The following LIMK2 variants were observed in gnomAD, a reference collection of about 807,000 sequenced individuals.
LIMK2 encodes the protein LIM domain kinase 2.
LIMK2 carries 35 observed loss-of-function variants against 75.7 expected under a neutral mutation model. The observed-to-expected ratio is 0.46, with a 90% CI of 0.35 to 0.61. The LOEUF is 0.61. Ranked by LOEUF, LIMK2 falls within the 20% of genes least tolerant of loss-of-function variation. The pLI, the probability that LIMK2 is intolerant of heterozygous loss-of-function variation, is 0.00. For synonymous variants in LIMK2, 301 were observed against 319.2 expected (o/e 0.94, Z 0.61); for missense variants, 623 against 831.0 (o/e 0.75, Z 3.08).
chr22:31,275,390 A>G (rs2049003385), intron 15 of LIMK2, 82 bp downstream of exon 15: 3 of 1,408,454 alleles, frequency 2.1e-6, no homozygotes, highest in Non-Finnish European at 2.9e-6. Flanking sequence ...AGCCCTCTGC[A>G]AGCACAGGGG....
chr22:31,273,104 GA>G, intron 13 of LIMK2: 7 of 906,728 alleles, frequency 7.7e-6, no homozygotes, highest in Non-Finnish European at 9.2e-6. Flanking sequence ...GAAATGGTCT[GA>G]ATACAATCCA....
At chr22:31,255,978 CTTTTTTTTTTTTTTTTTTTTTTTTTTTT>C (rs567250437) in intron 2 of LIMK2, among the ~76,000 whole-genome samples, 1 of 29,638 alleles carries the variant, frequency 3.4e-5, no homozygotes, top group African/African-American at 1.2e-4. Context: ...TATATTGGGT[CTTTTTTTTTTTTTTTTTTTTTTTTTTTT>C]TTTTTTTTTT....
chr22:31,255,204 G>A lies in LIMK2; in HGVS notation c.117-3087G>A, dbSNP rs118183894. Among the ~76,000 whole-genome samples, 130 of 152,182 alleles carry A rather than the reference G, an allele frequency of 8.5e-4. 1 individual carries two copies. In the East Asian group the frequency reaches 0.019, roughly 22 times the overall value. Reference sequence around the variant, plus strand: ...GGAAACAACCCAGAGAGGGAAAGGGGCTTGTCCAAGGCAATTTAGCACCCA... The same window carrying A: ...GGAAACAACCCAGAGAGGGAAAGGGACTTGTCCAAGGCAATTTAGCACCCA... On this transcript the variant is annotated intron_variant, in intron 2 of 15. Coordinates refer to ENST00000331728, the MANE Select transcript of LIMK2 (RefSeq NM_005569.4).
At chr22:31,276,909 A>G (rs2049032462) in intron 15 of LIMK2, 1 of 1,613,344 alleles carries the variant, frequency 6.2e-7, no homozygotes. Context: ...ACCTCAACCT[A>G]GAGGAGTGGA....
At chr22:31,218,262 C>T (rs1424400076) in intron 1 of LIMK2, among the ~76,000 whole-genome samples, 1 of 152,186 alleles carries the variant, frequency 6.6e-6, no homozygotes, top group Non-Finnish European at 1.5e-5. Flanking sequence ...CCCAAGGACA[C>T]AGAGGCAAAC....
intron 2 of LIMK2, among the ~76,000 whole-genome samples, chr22:31,250,742 C>T (rs1027842503): frequency 6.6e-6 from 1 of 152,200 alleles, no homozygotes; most frequent in African/African-American, 2.4e-5. Flanking sequence ...CCATTAGCCC[C>T]TCCCTCTTTT....
chr22:31,242,215 CACT>C (rs2048629040), intron 2 of LIMK2, among the ~76,000 whole-genome samples: 1 of 152,200 alleles, frequency 6.6e-6, no homozygotes, highest in Non-Finnish European at 1.5e-5. Flanking sequence ...TCTAACTAGT[CACT>C]ACTATTTCAC....
chr22:31,236,326 A>T (rs1283638805), intron 2 of LIMK2, among the ~76,000 whole-genome samples: 1 of 148,030 alleles, frequency 6.8e-6, no homozygotes, highest in East Asian at 2.0e-4. Context: ...CTGGAGATAC[A>T]GGCTGGGTGC....
At chr22:31,275,616 C>CG in intron 15 of LIMK2, 2 of 261,996 alleles carry the variant, frequency 7.6e-6, no homozygotes, top group South Asian at 8.1e-5. Context: ...TTCCCCTGTC[C>CG]ATATCTACAC....
At chr22:31,216,253 A>G (rs2048388099) in intron 1 of LIMK2, among the ~76,000 whole-genome samples, 1 of 152,200 alleles carries the variant, frequency 6.6e-6, no homozygotes. Flanking sequence ...GGTGGGGAAG[A>G]TGATATCTTA....
intron 2 of LIMK2, among the ~76,000 whole-genome samples, chr22:31,226,482 C>T (rs1407159924): frequency 6.6e-6 from 1 of 152,202 alleles, no homozygotes; most frequent in Non-Finnish European, 1.5e-5. Context: ...GAATCACAGG[C>T]GTGAACCACT....
At chr22:31,251,634 C>G (rs2048726137) in intron 2 of LIMK2, among the ~76,000 whole-genome samples, 1 of 152,158 alleles carries the variant, frequency 6.6e-6, no homozygotes, top group African/African-American at 2.4e-5. Flanking sequence ...TCTTGCTGTT[C>G]GTAGGCTTCA....
At chr22:31,224,415 A>G (rs2048461985) in intron 1 of LIMK2, among the ~76,000 whole-genome samples, 1 of 152,220 alleles carries the variant, frequency 6.6e-6, no homozygotes, top group African/African-American at 2.4e-5. Flanking sequence ...TGGAGTGAAC[A>G]AGAGTTGACA....
At position 31,212,310 on chromosome 22, in the gene LIMK2, C is replaced by A. The variant is rs964035738; in HGVS notation, c.-99C>A. The stretch of plus-strand genomic sequence containing the variant: ...GCCTGGGGCTGTGGTCTTCCCGCGC[C>A]TGAGGCGGCGGCGGCAGGAGCTGAG... On this transcript the variant is annotated 5_prime_UTR_variant, in exon 1 of 16. In the 5' UTR this introduces an upstream ATG that the reference lacks. Coordinates refer to ENST00000331728, the MANE Select transcript of LIMK2 (RefSeq NM_005569.4). 1 of 1,250,026 alleles carries A rather than the reference C, an allele frequency of 8.0e-7. No homozygotes were observed. Among genetic ancestry groups the A allele is most frequent in the Non-Finnish European group, 1.0e-6 (1 of 976,654 alleles). 77.4% of individuals were successfully genotyped at this position (1,250,026 alleles called of 1,614,324 possible).
chr22:31,272,379 T>C (rs1377586571), intron 12 of LIMK2, 151 bp from the exon 13 acceptor site: 2 of 660,886 alleles, frequency 3.0e-6, no homozygotes, highest in Middle Eastern at 4.3e-4. Context: ...CTGGCCTGAG[T>C]GTGTCTATTT....
intron 2 of LIMK2, chr22:31,248,631 G>A: frequency 6.2e-7 from 1 of 1,613,048 alleles, no homozygotes; most frequent in Admixed American, 1.7e-5. Flanking sequence ...GGAGCCCCGG[G>A]CCTGTCATGG....
intron 5 of LIMK2, among the ~76,000 whole-genome samples, chr22:31,261,240 T>A (rs2048835492): frequency 6.6e-6 from 1 of 152,080 alleles, no homozygotes; most frequent in African/African-American, 2.4e-5. Context: ...GTGGGCAGAT[T>A]GCTTGAGGTC....
At chr22:31,235,936 G>A (rs1415988811) in intron 2 of LIMK2, among the ~76,000 whole-genome samples, 1 of 152,210 alleles carries the variant, frequency 6.6e-6, no homozygotes, top group Admixed American at 6.5e-5. Context: ...TCCTGGTTCT[G>A]CCTTTTATTA....
intron 11 of LIMK2, among the ~76,000 whole-genome samples, chr22:31,270,116 C>T (rs2048940779): frequency 6.6e-6 from 1 of 152,182 alleles, no homozygotes; most frequent in South Asian, 2.1e-4. Flanking sequence ...CTATCAGCAT[C>T]TTCTGGGCAG....
Sources: gnomAD v4.1 joint callset for allele counts (sites outside exome capture counted in the v4.1 genomes callset) on GRCh38, gnomAD v4.1.1 for gene constraint, MANE v1.5 for transcripts, NCBI Gene and HGNC (gene_info 2026-07-23, HGNC 2026-07-21) for gene names.